RDX: variants seen among roughly 807,000 people sequenced by gnomAD.
RDX encodes the protein radixin.
Under a neutral mutation model 83.7 loss-of-function variants are expected in RDX, and 32 were observed. The observed-to-expected ratio is 0.38, with a 90% confidence interval of 0.29 to 0.51. The LOEUF is 0.51. RDX is among the 20% of genes least tolerant of loss of function. RDX has a pLI of 0.87. For synonymous variants in RDX, 229 were observed against 222.7 expected (o/e 1.03, Z -0.25); for missense variants, 600 against 689.9 (o/e 0.87, Z 1.46).
At chr11:110,257,640 T>A in intron 7 of RDX, 127 bp downstream of exon 7, 1 of 959,202 alleles carries the variant, frequency 1.0e-6, no homozygotes, top group South Asian at 1.4e-5. Context: ...TGTCATTAAT[T>A]CATCTTTTAG....
intron 5 of RDX, among the ~76,000 whole-genome samples, chr11:110,259,562 ATGTTCTTATTATACTCTGC>A (rs1565320087): frequency 6.6e-6 from 1 of 152,162 alleles, no homozygotes; most frequent in Non-Finnish European, 1.5e-5. Flanking sequence ...ACATACTGTT[ATGTTCTTATTATACTCTGC>A]TCCTTTCTCT....
At chr11:110,180,947 G>A (rs373951874) in intron 15 of RDX, among the ~76,000 whole-genome samples, 6 of 151,880 alleles carry the variant, frequency 4.0e-5, no homozygotes, top group Middle Eastern at 3.2e-3. Flanking sequence ...CTCCTTTATC[G>A]CTCAGCCCGG....
intron 14 of RDX, among the ~76,000 whole-genome samples, chr11:110,208,788 C>T (rs972946478): frequency 1.3e-4 from 20 of 152,108 alleles, no homozygotes; most frequent in African/African-American, 4.3e-4. Flanking sequence ...GAAACCCCTT[C>T]TCTATAAAAA....
chr11:110,226,241 T>A (rs1447089700), downstream of RDX, among the ~76,000 whole-genome samples: 1 of 152,106 alleles, frequency 6.6e-6, no homozygotes, highest in Non-Finnish European at 1.5e-5. Flanking sequence ...CGTCCATCAA[T>A]AACAGATAAA....
chr11:110,266,205 C>T (rs983613697), intron 3 of RDX, among the ~76,000 whole-genome samples: 1 of 151,372 alleles, frequency 6.6e-6, no homozygotes, highest in African/African-American at 2.4e-5. Context: ...TGGTGGCATG[C>T]GCCTGTAGTC....
At chr11:110,293,305 G>C (rs921676666) in intron 1 of RDX, among the ~76,000 whole-genome samples, 22 of 152,162 alleles carry the variant, frequency 1.4e-4, no homozygotes, top group African/African-American at 5.1e-4. Flanking sequence ...GGTGTTCCAG[G>C]GAGTAAGGAG....
chr11:110,275,061 C>T (rs1157242807), intron 2 of RDX, among the ~76,000 whole-genome samples: 1 of 152,174 alleles, frequency 6.6e-6, no homozygotes, highest in Non-Finnish European at 1.5e-5. Context: ...TTTCCAGGAA[C>T]AGTGGGCATT....
At chr11:110,272,178 T>C (rs937055473) in intron 3 of RDX, among the ~76,000 whole-genome samples, 1 of 152,188 alleles carries the variant, frequency 6.6e-6, no homozygotes, top group African/African-American at 2.4e-5. Flanking sequence ...CAACCTGTAA[T>C]TCCCTATGCC....
chr11:110,272,441 G>T, intron 3 of RDX, 95 bp downstream of exon 3: 1 of 827,078 alleles, frequency 1.2e-6, no homozygotes. Flanking sequence ...TACACTGTTG[G>T]ATTATCAGCA....
Position 110,222,513 on chromosome 11 carries a change from T to A in RDX, c.1748+9360A>T, listed in dbSNP as rs1296765346. ...TTAAGAATGCATATAAATTACTAAA[T>A]GGACCGGGCATGGTGGCTGACACCT... On this transcript the variant is annotated intron_variant, in intron 14 of 15. Coordinates refer to the RDX transcript ENST00000528498. Among the ~76,000 whole-genome samples, 3 of 152,284 alleles carry A rather than the reference T, an allele frequency of 2.0e-5. No homozygotes were observed. In the East Asian group the frequency reaches 5.8e-4, roughly 29 times the overall value.
chr11:110,249,439 CAGAA>C (rs1859240913), intron 9 of RDX, among the ~76,000 whole-genome samples: 1 of 152,098 alleles, frequency 6.6e-6, no homozygotes, highest in Admixed American at 6.6e-5. Flanking sequence ...GCCCCTAAAA[CAGAA>C]AGAGAGCTTA....
chr11:110,289,195 G>A (rs939001616), intron 1 of RDX, among the ~76,000 whole-genome samples: 3 of 134,600 alleles, frequency 2.2e-5, no homozygotes, highest in African/African-American at 5.8e-5. Context: ...CCAAGATCGC[G>A]CCATTGCACT....
chr11:110,250,697 G>C (rs1859297070), intron 9 of RDX, among the ~76,000 whole-genome samples: 1 of 151,926 alleles, frequency 6.6e-6, no homozygotes, highest in Non-Finnish European at 1.5e-5. Flanking sequence ...TTGGGAGGGG[G>C]TGGGGAATGG....
intron 15 of RDX, among the ~76,000 whole-genome samples, chr11:110,182,776 GT>G (rs879937855): frequency 6.6e-5 from 10 of 152,206 alleles, no homozygotes; most frequent in Non-Finnish European, 1.3e-4. Context: ...TGAGCAGGCT[GT>G]CCGGGGTAAC....
chr11:110,289,508 C>G (rs556716352), intron 1 of RDX, among the ~76,000 whole-genome samples: 36 of 152,260 alleles, frequency 2.4e-4, no homozygotes, highest in African/African-American at 7.5e-4. Flanking sequence ...CTATAAACAG[C>G]TTAAGTATCA....
intron 2 of RDX, among the ~76,000 whole-genome samples, chr11:110,276,372 A>G (rs1031720281): frequency 1.3e-5 from 2 of 152,138 alleles, no homozygotes; most frequent in African/African-American, 4.8e-5. Context: ...AAACTACTCA[A>G]TATCATATTG....
At chr11:110,247,639 A>AC (rs1859161616) in intron 10 of RDX, 64 bp downstream of exon 10, 1 of 1,546,674 alleles carries the variant, frequency 6.5e-7, no homozygotes, top group Non-Finnish European at 8.8e-7. Context: ...ACTAAAAAAA[A>AC]TACCACTATC....
At chr11:110,189,242 G>GAAAAAAAAAAAAAAAAAAAA (rs1565282257) in intron 15 of RDX, among the ~76,000 whole-genome samples, 3 of 38,000 alleles carry the variant, frequency 7.9e-5, no homozygotes, top group African/African-American at 1.2e-4. Context: ...TGAACAACAG[G>GAAAAAAAAAAAAAAAAAAAA]TAAAAAAAAA....
At chr11:110,263,883 A>C in intron 5 of RDX, 77 bp downstream of exon 5, 2 of 1,399,542 alleles carry the variant, frequency 1.4e-6, no homozygotes, top group Admixed American at 2.1e-5. Context: ...AAAAAAAAAA[A>C]CCTGAAAAAC....
Sources: allele counts gnomAD v4.1 joint callset (sites outside exome capture counted in the v4.1 genomes callset), GRCh38; gene constraint gnomAD v4.1.1; transcripts MANE v1.5; gene names NCBI Gene and HGNC (gene_info 2026-07-23, HGNC 2026-07-21).